RAD51B: variants seen among roughly 807,000 people sequenced by gnomAD.
RAD51B encodes the protein DNA repair protein RAD51 homolog 2.
A neutral mutation model predicts 42.2 loss-of-function variants in RAD51B; 38 were observed. The observed-to-expected ratio is 0.90, with a 90% confidence interval of 0.70 to 1.18. The LOEUF (loss-of-function observed/expected upper bound fraction) is 1.18, where lower values mean the gene tolerates loss of function less well. Ranked by LOEUF, RAD51B falls within the 50% of genes most tolerant of loss-of-function variation. RAD51B has a pLI of 0.00. For synonymous variants in RAD51B, 154 were observed against 145.2 expected (o/e 1.06, Z -0.43); for missense variants, 373 against 400.7 (o/e 0.93, Z 0.59).
chr14:68,239,649 C>T (rs1289049527), intron 7 of RAD51B, among the ~76,000 whole-genome samples: 1 of 152,140 alleles, frequency 6.6e-6, no homozygotes, highest in Non-Finnish European at 1.5e-5. Flanking sequence ...TCAGCCCAGC[C>T]CTGTGGTACT....
intron 8 of RAD51B, among the ~76,000 whole-genome samples, chr14:68,323,502 G>A (rs1352585334): frequency 6.6e-6 from 1 of 152,150 alleles, no homozygotes; most frequent in East Asian, 1.9e-4. Flanking sequence ...AAACAAGAAA[G>A]AACTAGGGGC....
intron 7 of RAD51B, among the ~76,000 whole-genome samples, chr14:68,028,539 G>A (rs1319592146): frequency 6.6e-6 from 1 of 152,164 alleles, no homozygotes. Flanking sequence ...CTCCCGAGCT[G>A]TCCACCACAG....
chr14:67,917,112 A>T (rs1427522957), intron 7 of RAD51B, among the ~76,000 whole-genome samples: 1 of 152,232 alleles, frequency 6.6e-6, no homozygotes, highest in Non-Finnish European at 1.5e-5. Context: ...AATAGATTGC[A>T]GGGCATTAAG....
At chr14:67,842,815 A>G (rs1594984793) in intron 4 of RAD51B, among the ~76,000 whole-genome samples, 2 of 152,260 alleles carry the variant, frequency 1.3e-5, no homozygotes, top group African/African-American at 4.8e-5. Context: ...TTTGTCATAA[A>G]TGGGTCTTAG....
intron 8 of RAD51B, among the ~76,000 whole-genome samples, chr14:68,334,165 G>A (rs145611471): frequency 6.6e-6 from 1 of 152,150 alleles, no homozygotes; most frequent in African/African-American, 2.4e-5. Context: ...CAGGGATGAG[G>A]GGTGCTAACC....
intron 10 of RAD51B, among the ~76,000 whole-genome samples, chr14:68,623,780 C>A (rs1892008347): frequency 6.6e-6 from 1 of 152,194 alleles, no homozygotes; most frequent in South Asian, 2.1e-4. Flanking sequence ...GATGGATAAA[C>A]CAGTAGGGCC....
chr14:68,028,182 T>C (rs2075983783), intron 7 of RAD51B, among the ~76,000 whole-genome samples: 1 of 152,216 alleles, frequency 6.6e-6, no homozygotes, highest in Non-Finnish European at 1.5e-5. Context: ...TATTCATCTG[T>C]GTGTCTTCTT....
intron 7 of RAD51B, among the ~76,000 whole-genome samples, chr14:68,024,725 G>C (rs1278502767): frequency 6.6e-6 from 1 of 152,022 alleles, no homozygotes; most frequent in Non-Finnish European, 1.5e-5. Flanking sequence ...CTGTTTATTA[G>C]CCCTAGGAGG....
At chr14:67,835,563 A>T (rs1201982626) in intron 4 of RAD51B, among the ~76,000 whole-genome samples, 1 of 138,008 alleles carries the variant, frequency 7.2e-6, no homozygotes, top group Non-Finnish European at 1.6e-5. Flanking sequence ...TATATGTAAT[A>T]TATACACATA....
At chr14:68,378,405 A>G (rs1365135355) in intron 8 of RAD51B, among the ~76,000 whole-genome samples, 1 of 152,090 alleles carries the variant, frequency 6.6e-6, no homozygotes, top group Admixed American at 6.6e-5. Context: ...TCCTCTATTA[A>G]TGTTTCTTTG....
chr14:68,039,908 G>T (rs2076192718), intron 7 of RAD51B, among the ~76,000 whole-genome samples: 1 of 152,144 alleles, frequency 6.6e-6, no homozygotes, highest in Non-Finnish European at 1.5e-5. Flanking sequence ...CACTACTTTT[G>T]TGGGAAAAGA....
chr14:68,585,396 T>C (rs1163260475), intron 10 of RAD51B, among the ~76,000 whole-genome samples: 1 of 152,076 alleles, frequency 6.6e-6, no homozygotes, highest in African/African-American at 2.4e-5. Flanking sequence ...TGCAGAGAGG[T>C]TCTTAGCGAG....
At chr14:68,127,581 CATAA>C (rs1490237326) in intron 7 of RAD51B, among the ~76,000 whole-genome samples, 4 of 146,404 alleles carry the variant, frequency 2.7e-5, no homozygotes, top group Non-Finnish European at 1.5e-5. Flanking sequence ...AGTGATAATT[CATAA>C]ATAACAATTG....
chr14:68,153,706 T>C (rs762502590), intron 7 of RAD51B, among the ~76,000 whole-genome samples: 1 of 152,216 alleles, frequency 6.6e-6, no homozygotes, highest in Non-Finnish European at 1.5e-5. Flanking sequence ...TTTACATTTC[T>C]TATATATGCC....
At chr14:68,203,216 AT>A (rs1329282807) in intron 7 of RAD51B, among the ~76,000 whole-genome samples, 5 of 152,202 alleles carry the variant, frequency 3.3e-5, no homozygotes. Flanking sequence ...ACAAAAATTT[AT>A]TTCTTAAATA....
chr14:68,295,544 C>G (rs770858899), intron 8 of RAD51B, among the ~76,000 whole-genome samples: 2 of 152,186 alleles, frequency 1.3e-5, no homozygotes, highest in Non-Finnish European at 2.9e-5. Context: ...GACCTTGTTC[C>G]AGCTAAGATA....
intron 8 of RAD51B, among the ~76,000 whole-genome samples, chr14:68,306,834 G>T (rs1408852994): frequency 6.6e-6 from 1 of 152,160 alleles, no homozygotes; most frequent in Non-Finnish European, 1.5e-5. Flanking sequence ...GCAGATTATG[G>T]CATGCCAGGC....
At chr14:68,498,505 G>A (rs1884702015) in intron 10 of RAD51B, among the ~76,000 whole-genome samples, 2 of 152,192 alleles carry the variant, frequency 1.3e-5, no homozygotes, top group African/African-American at 4.8e-5. Flanking sequence ...CCAGTGGTGG[G>A]GGACTCTGTG....
intron 10 of RAD51B, among the ~76,000 whole-genome samples, chr14:68,505,060 G>C (rs896931690): frequency 6.6e-6 from 1 of 152,180 alleles, no homozygotes; most frequent in African/African-American, 2.4e-5. Flanking sequence ...TTGTCATTAC[G>C]TGTTTTCTTG....
Sources: gnomAD v4.1 joint callset for allele counts (sites outside exome capture counted in the v4.1 genomes callset) on GRCh38, gnomAD v4.1.1 for gene constraint, MANE v1.5 for transcripts, NCBI Gene and HGNC (gene_info 2026-07-23, HGNC 2026-07-21) for gene names.